DDR2: variants seen among roughly 807,000 people sequenced by gnomAD.
The protein encoded by DDR2 is discoidin domain receptor tyrosine kinase 2.
DDR2 carries 27 observed loss-of-function variants against 94.9 expected under a neutral mutation model. That is an observed-to-expected ratio of 0.28 (90% CI 0.21 to 0.39). DDR2 has a LOEUF of 0.39. DDR2 is among the 10% of genes least tolerant of loss of function. The pLI, the probability that DDR2 is intolerant of heterozygous loss-of-function variation, is 1.00. For synonymous variants in DDR2, 382 were observed against 377.2 expected (o/e 1.01, Z -0.15); for missense variants, 783 against 1,076.0 (o/e 0.73, Z 3.81).
intron 2 of DDR2, among the ~76,000 whole-genome samples, chr1:162,674,895 T>C (rs1236226693): frequency 6.6e-6 from 1 of 152,136 alleles, no homozygotes; most frequent in Admixed American, 6.5e-5. Flanking sequence ...GGCTCATGCC[T>C]GTAATCCCAG....
At position 162,786,219 on chromosome 1, in the gene DDR2, A is replaced by G. The variant is rs1463087626; in HGVS notation, c.*5973A>G. 2.0e-5 allele frequency: 3 copies of G among 152,206 alleles called. No homozygotes were observed. The highest frequency in any genetic ancestry group is 2.1e-4 in the South Asian group (1 of 4,836). The allele number at this position is 152,206 out of a possible 1,614,324, so 9.4% of individuals were successfully genotyped here. ...CAAGAGTCTGTAATCTAGCCTATCC[A>G]TTATATGTCCTTTATTATTCATGAT... is the stretch of plus-strand genomic sequence containing the variant. On this transcript the variant is annotated 3_prime_UTR_variant, in exon 18 of 18. Transcript: ENST00000367921.
At chr1:162,682,265 A>G (rs914354886) in intron 2 of DDR2, among the ~76,000 whole-genome samples, 2 of 152,166 alleles carry the variant, frequency 1.3e-5, no homozygotes, top group Non-Finnish European at 2.9e-5. Flanking sequence ...ACTTTCCCCC[A>G]GTCACTTGGC....
At chr1:162,727,680 C>T (rs531596964) in intron 3 of DDR2, among the ~76,000 whole-genome samples, 23 of 148,140 alleles carry the variant, frequency 1.6e-4, no homozygotes, top group East Asian at 3.9e-4. Flanking sequence ...CTGGTCATGA[C>T]GACACAACAG....
At chr1:162,703,489 G>C (rs1047136390) in intron 2 of DDR2, among the ~76,000 whole-genome samples, 5 of 152,182 alleles carry the variant, frequency 3.3e-5, no homozygotes, top group Non-Finnish European at 7.3e-5. Flanking sequence ...TTTAGTGCCA[G>C]CCCTGTGTGG....
At chr1:162,666,258 T>G (rs780636903) in intron 2 of DDR2, among the ~76,000 whole-genome samples, 2 of 152,226 alleles carry the variant, frequency 1.3e-5, no homozygotes, top group Non-Finnish European at 2.9e-5. Context: ...TTCTGTTTTT[T>G]ATTAGCAGCA....
chr1:162,680,255 A>G (rs1659338336), intron 2 of DDR2, among the ~76,000 whole-genome samples: 1 of 152,154 alleles, frequency 6.6e-6, no homozygotes, highest in Non-Finnish European at 1.5e-5. Flanking sequence ...CAAAGTTTCT[A>G]TGGTTTTAGG....
chr1:162,648,852 G>A (rs1000314044), intron 1 of DDR2, among the ~76,000 whole-genome samples: 7 of 152,172 alleles, frequency 4.6e-5, no homozygotes, highest in Non-Finnish European at 8.8e-5. Flanking sequence ...AGAACCCTTA[G>A]TAGGAGAAAG....
intron 7 of DDR2, among the ~76,000 whole-genome samples, chr1:162,756,980 A>C (rs1663494079): frequency 6.6e-6 from 1 of 152,198 alleles, no homozygotes; most frequent in African/African-American, 2.4e-5. Flanking sequence ...AAGGTAATGG[A>C]GTCATTGATC....
At chr1:162,710,389 G>A (rs1027006262) in intron 2 of DDR2, among the ~76,000 whole-genome samples, 6 of 152,162 alleles carry the variant, frequency 3.9e-5, no homozygotes, top group African/African-American at 9.7e-5. Context: ...TGAGAATCAC[G>A]AGGTTGGGAC....
chr1:162,672,962 C>T (rs968069971), intron 2 of DDR2, among the ~76,000 whole-genome samples: 3 of 152,094 alleles, frequency 2.0e-5, no homozygotes, highest in African/African-American at 7.2e-5. Flanking sequence ...GAGATAGTGC[C>T]AGGAACTTCA....
intron 1 of DDR2, among the ~76,000 whole-genome samples, chr1:162,639,643 TC>T (rs1657026155): frequency 6.6e-6 from 1 of 152,202 alleles, no homozygotes; most frequent in African/African-American, 2.4e-5. Flanking sequence ...TAGCTGGACT[TC>T]ATTAAAATTG....
In DDR2 at chr1:162,676,005, G is replaced by T. The variant is rs578187401; in HGVS notation, c.-28+20631G>T. Among the ~76,000 whole-genome samples, 9 of 152,278 alleles carry T rather than the reference G, an allele frequency of 5.9e-5. No homozygotes were observed. In the East Asian group the frequency reaches 1.2e-3, roughly 20 times the overall value. On this transcript the variant is annotated intron_variant, in intron 2 of 17. Coordinates refer to ENST00000367921, the MANE Select transcript of DDR2 (RefSeq NM_006182.4). ...TCACATTCTAGTAACTGATTGAAATGTGTGTGTGTTTATAGGCAAGTGAGT... is the reference window on the plus strand; with the variant it reads ...TCACATTCTAGTAACTGATTGAAATTTGTGTGTGTTTATAGGCAAGTGAGT...
chr1:162,767,816 G>GTT (rs1452477735), intron 11 of DDR2, among the ~76,000 whole-genome samples: 7 of 150,906 alleles, frequency 4.6e-5, no homozygotes, highest in East Asian at 3.9e-4. Flanking sequence ...TGGTGTGTGT[G>GTT]TGTGTGTGTG....
rs374974376 is a variant in DDR2, at chr1:162,774,408, C to T, written c.1856+812C>T. Reference sequence around the variant, plus strand: ...AAAAAAGTTTATTATTCTTATTTTCCAAATTATCATAAATTCCAAGAATGG... The same window carrying T: ...AAAAAAGTTTATTATTCTTATTTTCTAAATTATCATAAATTCCAAGAATGG... On this transcript the variant is annotated intron_variant, in intron 14 of 17. Coordinates refer to ENST00000367921, the MANE Select transcript of DDR2 (RefSeq NM_006182.4). Among the ~76,000 whole-genome samples, 44 of 151,848 alleles carry T rather than the reference C, an allele frequency of 2.9e-4. No individual in the cohort carries two copies. In the East Asian group the frequency reaches 6.6e-3, roughly 23 times the overall value.
At chr1:162,745,628 G>A (rs891294084) in intron 3 of DDR2, among the ~76,000 whole-genome samples, 7 of 151,820 alleles carry the variant, frequency 4.6e-5, no homozygotes, top group African/African-American at 1.7e-4. Flanking sequence ...TTGAAGATCA[G>A]TTGACCTGTG....
At chr1:162,638,022 A>AT (rs996668522) in intron 1 of DDR2, among the ~76,000 whole-genome samples, 2 of 151,672 alleles carry the variant, frequency 1.3e-5, no homozygotes, top group South Asian at 2.1e-4. Flanking sequence ...CTTTTTTTTA[A>AT]TTTTTTTTAT....
chr1:162,713,537 C>T (rs972036808), intron 2 of DDR2, among the ~76,000 whole-genome samples: 1 of 152,130 alleles, frequency 6.6e-6, no homozygotes, highest in Non-Finnish European at 1.5e-5. Context: ...TTTAATCTTC[C>T]AGATCTTATA....
intron 2 of DDR2, among the ~76,000 whole-genome samples, chr1:162,707,446 A>G (rs185243545): frequency 1.2e-4 from 18 of 152,166 alleles, no homozygotes; most frequent in Admixed American, 9.8e-4. Context: ...TGAGACTGCA[A>G]TTTTTCATGA....
intron 2 of DDR2, among the ~76,000 whole-genome samples, chr1:162,698,340 G>A (rs939688919): frequency 2.0e-5 from 3 of 152,172 alleles, no homozygotes; most frequent in Non-Finnish European, 2.9e-5. Flanking sequence ...GCACACTTGA[G>A]GCTGCTCAAA....
Sources: gnomAD v4.1 joint callset for allele counts (sites outside exome capture counted in the v4.1 genomes callset) on GRCh38, gnomAD v4.1.1 for gene constraint, MANE v1.5 for transcripts, NCBI Gene and HGNC (gene_info 2026-07-23, HGNC 2026-07-21) for gene names.